The following PKHD1 variants were observed in gnomAD, a reference collection of about 807,000 sequenced individuals.
PKHD1 encodes fibrocystin.
A neutral mutation model predicts 412.0 loss-of-function variants in PKHD1; 291 were observed. That is an observed-to-expected ratio of 0.71 (90% CI 0.64 to 0.78). The LOEUF is 0.78. Ranked by LOEUF, PKHD1 falls within the 30% of genes least tolerant of loss-of-function variation. The probability of loss-of-function intolerance (pLI) is 0.00; values close to 1 mark genes in which losing one functional copy is unlikely to be tolerated. For missense variants in PKHD1, 4,825 were observed against 4,950.7 expected (o/e 0.97, Z 0.76); for synonymous variants, 1,777 against 1,821.5 (o/e 0.98, Z 0.62).
intron 26 of PKHD1, 83 bp downstream of exon 26, chr6:52,043,542 C>T (rs1713311262): frequency 1.1e-6 from 1 of 916,582 alleles, no homozygotes; most frequent in East Asian, 2.5e-5. Context: ...TTCTACCCAC[C>T]CATCACCAGC....
intron 64 of PKHD1, among the ~76,000 whole-genome samples, chr6:51,637,589 A>C (rs1182189860): frequency 6.7e-6 from 1 of 148,746 alleles, no homozygotes; most frequent in Non-Finnish European, 1.5e-5. Flanking sequence ...CTGATCTCAG[A>C]AGATAGTCTT....
intron 30 of PKHD1, 94 bp from the exon 31 acceptor site, chr6:52,027,990 C>A (rs186081229): frequency 1.2e-5 from 14 of 1,186,652 alleles, no homozygotes; most frequent in Non-Finnish European, 1.6e-5. Context: ...AGGAGAAGAG[C>A]AAACTGTCTG....
chr6:51,885,369 A>G (rs986331839), intron 45 of PKHD1, among the ~76,000 whole-genome samples: 4 of 152,168 alleles, frequency 2.6e-5, no homozygotes, highest in Non-Finnish European at 4.4e-5. Context: ...TTGTGTATCA[A>G]TGACGAACAG....
At chr6:51,951,998 G>C (rs1790436090) in intron 36 of PKHD1, among the ~76,000 whole-genome samples, 1 of 152,170 alleles carries the variant, frequency 6.6e-6, no homozygotes, top group Non-Finnish European at 1.5e-5. Flanking sequence ...GTCCCTTTCA[G>C]TAGCATTTTT....
intron 35 of PKHD1, among the ~76,000 whole-genome samples, chr6:51,969,370 G>T (rs2127986830): frequency 6.6e-6 from 1 of 152,306 alleles, no homozygotes; most frequent in Middle Eastern, 3.4e-3. Flanking sequence ...GAGACCTTGA[G>T]CAGAGAACCC....
At chr6:51,845,557 G>T (rs889766640) in intron 50 of PKHD1, among the ~76,000 whole-genome samples, 1 of 152,128 alleles carries the variant, frequency 6.6e-6, no homozygotes, top group Non-Finnish European at 1.5e-5. Context: ...AGATACTAGG[G>T]TATTCCAATA....
chr6:51,921,737 C>T (rs1784740708), intron 37 of PKHD1, among the ~76,000 whole-genome samples: 1 of 152,176 alleles, frequency 6.6e-6, no homozygotes, highest in Non-Finnish European at 1.5e-5. Flanking sequence ...GAAGCTTGTG[C>T]ATGCATCACA....
chr6:51,669,852 C>A (rs1022312614), intron 60 of PKHD1, among the ~76,000 whole-genome samples: 1 of 119,708 alleles, frequency 8.4e-6, no homozygotes, highest in South Asian at 2.8e-4. Context: ...TGTAGTTGAG[C>A]GGTTTTGAGT....
At chr6:51,818,901 G>A (rs962849837) in intron 52 of PKHD1, among the ~76,000 whole-genome samples, 5 of 152,096 alleles carry the variant, frequency 3.3e-5, no homozygotes, top group African/African-American at 1.2e-4. Context: ...CCAAGTCCCT[G>A]ACACCATGGA....
intron 55 of PKHD1, among the ~76,000 whole-genome samples, chr6:51,760,489 A>T (rs1787814918): frequency 6.6e-6 from 1 of 152,126 alleles, no homozygotes; most frequent in Admixed American, 6.6e-5. Context: ...AGAGTCGGAG[A>T]TACCTAAAGT....
At position 52,025,477 on chromosome 6, in the gene PKHD1, C is replaced by T. The variant is rs751965771; in HGVS notation, c.4333G>A (p.Val1445Ile). The change falls in exon 32 of 67, where the codon GTT becomes ATT. Residue 1445 changes from valine to isoleucine, a missense_variant. Coordinates refer to ENST00000371117, the MANE Select transcript of PKHD1 (RefSeq NM_138694.4). ...SLGDHTILCQ[V>I]SLEGDPLPGA... ...GGCAAGGGGTCACCCTCCAGGCTAA[C>T]CTGGCAGAGAATGGTGTGGTCTCCC... The T allele has an allele frequency of 1.2e-6, 2 of 1,611,776 alleles. No individual in the cohort carries two copies.
At chr6:51,766,255 C>T (rs1257593904) in intron 55 of PKHD1, among the ~76,000 whole-genome samples, 1 of 152,052 alleles carries the variant, frequency 6.6e-6, no homozygotes, top group African/African-American at 2.4e-5. Context: ...CAAAGCATAC[C>T]TATCAAGATA....
chr6:51,941,056 C>T (rs933715580), intron 36 of PKHD1, among the ~76,000 whole-genome samples: 2 of 147,386 alleles, frequency 1.4e-5, no homozygotes, highest in Non-Finnish European at 3.0e-5. Context: ...CTCTTGTATC[C>T]CCCCCCACCT....
chr6:51,800,053 G>A (rs1582765762), intron 52 of PKHD1, among the ~76,000 whole-genome samples: 1 of 152,128 alleles, frequency 6.6e-6, no homozygotes. Context: ...TGGCTGATGG[G>A]GGAGCTGATC....
chr6:51,980,528 C>T (rs547567099), intron 35 of PKHD1, among the ~76,000 whole-genome samples: 101 of 152,014 alleles, frequency 6.6e-4, no homozygotes, highest in African/African-American at 2.2e-3. Context: ...TGTGCTAGAC[C>T]CTTAGGATAA....
At chr6:51,731,291 C>CA (rs963229982) in intron 60 of PKHD1, among the ~76,000 whole-genome samples, 48 of 151,948 alleles carry the variant, frequency 3.2e-4, no homozygotes, top group African/African-American at 8.7e-4. Flanking sequence ...ATTATTATGG[C>CA]AAAAAAATCA....
Position 52,043,090 on chromosome 6 carries a change from A to G in PKHD1, c.2866T>C (p.Ser956Pro). 6.2e-7 allele frequency: 1 copy of G among 1,613,556 alleles called. No individual in the cohort carries two copies. The highest frequency in any genetic ancestry group is 8.5e-7 in the Non-Finnish European group (1 of 1,179,498). ...LMIYITGTGF[S>P]GDSQFLQVTV... ...ACCTGCAAGAACTGGGAGTCACCAG[A>G]GAAACCAGTTCCGGTAATGTAAATC... The change falls in exon 27 of 67, where the codon TCT (serine) becomes CCT (proline). Residue 956 changes from serine (S) to proline (P), a missense_variant. Physicochemically the swap from Ser to Pro is moderately conservative, Grantham distance 74 (BLOSUM62 -1). Transcript: ENST00000371117.
rs1380563109 is a variant in PKHD1 at position 51,700,158 on chromosome 6, T to G, written c.10157-40189A>C. ...GAAATTACCAAGTGTTCCTGAGAAA[T>G]TGGTACAAATTAGAAACTAATTAAA... On this transcript the variant is annotated intron_variant, in intron 60 of 66. Coordinates refer to ENST00000371117, the MANE Select transcript of PKHD1 (RefSeq NM_138694.4). Among the ~76,000 whole-genome samples the G allele has an allele frequency of 2.6e-5, 4 of 152,042 alleles. No individual in the cohort carries two copies. The East Asian group carries it at 7.7e-4, about 29-fold the overall frequency.
intron 52 of PKHD1, among the ~76,000 whole-genome samples, chr6:51,825,717 G>A (rs1767187070): frequency 6.6e-6 from 1 of 152,108 alleles, no homozygotes; most frequent in Non-Finnish European, 1.5e-5. Context: ...GTTTTATGCT[G>A]TTAGGTTTCT....
Sources: gnomAD v4.1 joint callset for allele counts (sites outside exome capture counted in the v4.1 genomes callset) on GRCh38, gnomAD v4.1.1 for gene constraint, MANE v1.5 for transcripts, NCBI Gene and HGNC (gene_info 2026-07-23, HGNC 2026-07-21) for gene names.